PSD3: variants seen among roughly 807,000 people sequenced by gnomAD.
PSD3 encodes the protein pleckstrin and Sec7 domain containing 3.
A neutral mutation model predicts 105.5 loss-of-function variants in PSD3; 49 were observed. The observed-to-expected ratio is 0.46, with a 90% confidence interval of 0.37 to 0.59. The LOEUF is 0.59. Among genes scored for constraint, PSD3 ranks in the 20% least tolerant of loss-of-function variants. The probability of loss-of-function intolerance (pLI) is 0.00; values close to 1 mark genes in which losing one functional copy is unlikely to be tolerated. For missense variants in PSD3, 1,561 were observed against 1,263.8 expected (o/e 1.24, Z -3.57); for synonymous variants, 557 against 457.8 (o/e 1.22, Z -2.77).
At chr8:18,923,084 A>C (rs1296858230) in intron 2 of PSD3, among the ~76,000 whole-genome samples, 1 of 152,082 alleles carries the variant, frequency 6.6e-6, no homozygotes, top group Non-Finnish European at 1.5e-5. Context: ...GAAAGTCTCA[A>C]CCCTCTAATC....
chr8:19,071,424 C>A (rs759502416), intron 1 of PSD3, among the ~76,000 whole-genome samples: 7 of 152,156 alleles, frequency 4.6e-5, no homozygotes, highest in Non-Finnish European at 7.3e-5. Context: ...TCCTGCCTAA[C>A]CCTCTTCTGC....
At position 18,885,422 on chromosome 8, in the gene PSD3, G is replaced by T. The variant is rs150500147; in HGVS notation, c.131-12689C>A. 5.5e-3 allele frequency among the ~76,000 whole-genome samples: 845 copies of T among 152,266 alleles called. 7 individuals carry two copies. Among genetic ancestry groups the T allele is most frequent in the African/African-American group, 0.02 (819 of 41,540 alleles). On this transcript the variant is annotated intron_variant, in intron 2 of 15. Transcript: ENST00000327040. ...TTAATATAAACTGTTTCGTATATAT[G>T]TAGGAAATATTGGGACATTTAAGAA...
intron 1 of PSD3, among the ~76,000 whole-genome samples, chr8:18,936,539 G>A (rs1270226371): frequency 6.6e-6 from 1 of 152,128 alleles, no homozygotes; most frequent in Non-Finnish European, 1.5e-5. Flanking sequence ...CAAAGCAGGT[G>A]GATCACGATG....
chr8:19,070,033 C>T (rs1829200593), intron 1 of PSD3, among the ~76,000 whole-genome samples: 1 of 151,620 alleles, frequency 6.6e-6, no homozygotes, highest in African/African-American at 2.4e-5. Context: ...CAACCTCCGC[C>T]TCCAGAGTTT....
At chr8:18,604,806 G>A (rs550205519) in intron 11 of PSD3, among the ~76,000 whole-genome samples, 3 of 152,154 alleles carry the variant, frequency 2.0e-5, no homozygotes, top group African/African-American at 4.8e-5. Context: ...GGCTCAAAGG[G>A]GCCTGGGTAC....
At chr8:18,770,530 A>G (rs890935476) in intron 8 of PSD3, among the ~76,000 whole-genome samples, 3 of 152,140 alleles carry the variant, frequency 2.0e-5, no homozygotes, top group African/African-American at 7.2e-5. Context: ...GAGTCAGCCA[A>G]CTCCACTCAC....
At chr8:19,050,464 A>C (rs928592858) in intron 1 of PSD3, among the ~76,000 whole-genome samples, 5 of 152,246 alleles carry the variant, frequency 3.3e-5, no homozygotes, top group African/African-American at 1.2e-4. Context: ...AGACTGGATT[A>C]AGAAAATGTG....
intron 2 of PSD3, among the ~76,000 whole-genome samples, chr8:18,935,479 C>T (rs1822049967): frequency 6.7e-6 from 1 of 149,290 alleles, no homozygotes; most frequent in Admixed American, 6.7e-5. Flanking sequence ...AGTTTGAGAC[C>T]AGCCTAGGTA....
intron 11 of PSD3, among the ~76,000 whole-genome samples, chr8:18,622,449 G>C (rs1300523781): frequency 6.6e-6 from 1 of 152,222 alleles, no homozygotes; most frequent in South Asian, 2.1e-4. Flanking sequence ...TGCTAGATGA[G>C]AATTTAACAA....
chr8:18,633,307 A>G (rs1433111118), intron 10 of PSD3, among the ~76,000 whole-genome samples: 1 of 152,062 alleles, frequency 6.6e-6, no homozygotes, highest in African/African-American at 2.4e-5. Flanking sequence ...ATATCCCCCA[A>G]ATAACCAGGC....
intron 2 of PSD3, among the ~76,000 whole-genome samples, chr8:18,914,490 T>C (rs1248639613): frequency 6.6e-6 from 1 of 152,066 alleles, no homozygotes; most frequent in Non-Finnish European, 1.5e-5. Flanking sequence ...CCAAAAAAAA[T>C]GTTAAAACTA....
chr8:18,721,879 C>G (rs73593512), intron 9 of PSD3, among the ~76,000 whole-genome samples: 1 of 152,028 alleles, frequency 6.6e-6, no homozygotes, highest in Non-Finnish European at 1.5e-5. Context: ...AAAAGGCCTA[C>G]GAGACACCCA....
intron 2 of PSD3, among the ~76,000 whole-genome samples, chr8:18,910,637 T>C (rs578020681): frequency 8.2e-5 from 8 of 97,110 alleles, no homozygotes; most frequent in South Asian, 7.0e-4. Context: ...TAGAGTATAA[T>C]AAAAAAAAAA....
chr8:18,937,996 CAAGT>C (rs1223293643), intron 1 of PSD3, among the ~76,000 whole-genome samples: 1 of 152,118 alleles, frequency 6.6e-6, no homozygotes, highest in African/African-American at 2.4e-5. Context: ...CACAGAAGAG[CAAGT>C]GAGTGGGCAA....
At chr8:18,769,566 T>A (rs1363918849) in intron 8 of PSD3, among the ~76,000 whole-genome samples, 1 of 152,154 alleles carries the variant, frequency 6.6e-6, no homozygotes, top group Non-Finnish European at 1.5e-5. Flanking sequence ...TCACCACCAC[T>A]ATCTACATTC....
chr8:18,842,430 T>G (rs909900275), intron 4 of PSD3, among the ~76,000 whole-genome samples: 1 of 152,204 alleles, frequency 6.6e-6, no homozygotes, highest in East Asian at 1.9e-4. Context: ...GATAAATAGC[T>G]CTCACAAAAT....
chr8:18,589,574 TA>T (rs1346939458), intron 12 of PSD3, among the ~76,000 whole-genome samples: 1 of 152,232 alleles, frequency 6.6e-6, no homozygotes, highest in African/African-American at 2.4e-5. Flanking sequence ...AGATAAAAAA[TA>T]AAACAAAAAA....
rs1585938607 is a variant in PSD3, at chr8:18,776,383, A to T, written c.2083-10845T>A. On this transcript the variant is annotated intron_variant, in intron 8 of 15. Coordinates refer to ENST00000327040, the MANE Select transcript of PSD3 (RefSeq NM_015310.4). The stretch of plus-strand genomic sequence containing the variant: ...ATATCTAAATATATGTATATATATA[A>T]TTTTTTTTTTTTGTTTTTGAGACGG... Among the ~76,000 whole-genome samples the T allele has an allele frequency of 5.7e-5, 7 of 123,872 alleles. 1 individual carries two copies. The South Asian group carries it at 1.7e-3, about 30-fold the overall frequency. 81.3% of individuals were successfully genotyped at this position (123,872 alleles called of 152,430 possible).
Position 18,936,119 on chromosome 8 carries a change from G to A in PSD3, c.45C>T (p.Asn15=), listed in dbSNP as rs766076707. 70 of 1,612,242 alleles carry A rather than the reference G, an allele frequency of 4.3e-5. No individual in the cohort carries two copies. The highest frequency in any genetic ancestry group is 5.3e-5 in the Non-Finnish European group (63 of 1,179,336). The change falls in exon 2 of 16, where the codon AAC becomes AAT. Residue 15 remains asparagine, a synonymous_variant. Coordinates refer to ENST00000327040, the MANE Select transcript of PSD3 (RefSeq NM_015310.4). ...SAAAETFVWV[N]NASAHSQSVA... is the part of the protein sequence containing the mutation. ...CACTCTGGGAATGTGCAGATGCATT[G>A]TTCACCCAAACAAATGTCTCTGCCT...
Sources: allele counts gnomAD v4.1 joint callset (sites outside exome capture counted in the v4.1 genomes callset), GRCh38; gene constraint gnomAD v4.1.1; transcripts MANE v1.5; gene names NCBI Gene and HGNC (gene_info 2026-07-23, HGNC 2026-07-21).